MCPH1: variants seen among roughly 807,000 people sequenced by gnomAD.
The protein encoded by MCPH1 is microcephalin 1, also known as microcephalin.
Under a neutral mutation model 84.5 loss-of-function variants are expected in MCPH1, and 104 were observed. The observed-to-expected ratio is 1.23, with a 90% confidence interval of 1.05 to 1.45. The LOEUF (loss-of-function observed/expected upper bound fraction) is 1.45. MCPH1 is among the 40% of genes most tolerant of loss of function. MCPH1 has a pLI of 0.00. For missense variants in MCPH1, 1,498 were observed against 1,005.7 expected, an observed-to-expected ratio of 1.49 and a Z score of -6.62; for synonymous variants, 514 against 366.8, an observed-to-expected ratio of 1.40 and a Z score of -4.58.
In MCPH1 at chr8:6,505,306, T is replaced by A. The variant is rs545643400; in HGVS notation, c.2214+5377T>A. On this transcript the variant is annotated intron_variant, in intron 12 of 13. Transcript: ENST00000344683. ...TATATGTTATATACATATATATGTA[T>A]ATAACATATATATGTTATATACATA... 1.1e-4 allele frequency among the ~76,000 whole-genome samples: 6 copies of A among 55,130 alleles called. 2 individuals are homozygous for A. Among genetic ancestry groups the A allele is most frequent in the African/African-American group, 5.5e-4 (6 of 10,812 alleles). 36.2% of individuals were successfully genotyped at this position (55,130 alleles called of 152,430 possible).
intron 3 of MCPH1, among the ~76,000 whole-genome samples, chr8:6,428,167 G>T (rs73516753): frequency 0.029 from 4,467 of 151,436 alleles, 195 homozygotes; most frequent in East Asian, 0.16. Context: ...TTACTCTTTT[G>T]TAATGCCTTA....
chr8:6,447,376 A>T, intron 8 of MCPH1: 1 of 985,388 alleles, frequency 1.0e-6, no homozygotes, highest in Non-Finnish European at 1.2e-6. Flanking sequence ...CCAAATCTTT[A>T]ATGTCGAAAT....
chr8:6,533,607 T>C (rs1190539840), intron 12 of MCPH1, among the ~76,000 whole-genome samples: 1 of 147,186 alleles, frequency 6.8e-6, no homozygotes, highest in Non-Finnish European at 1.5e-5. Context: ...AATCTAATGA[T>C]GGGAACCATT....
At chr8:6,621,082 A>G (rs547701007) in intron 12 of MCPH1, 122 of 341,644 alleles carry the variant, frequency 3.6e-4, no homozygotes, top group Non-Finnish European at 5.1e-4. Context: ...AGTGCATTAG[A>G]ATCTTGCCGT....
chr8:6,524,869 CGAGCACCTTCAG>C (rs1336861735), intron 12 of MCPH1, among the ~76,000 whole-genome samples: 2 of 152,192 alleles, frequency 1.3e-5, no homozygotes, highest in Non-Finnish European at 2.9e-5. Flanking sequence ...TTTGGTGTCA[CGAGCACCTTCAG>C]GTGAAAGGAA....
chr8:6,565,948 G>T (rs1209319877), intron 12 of MCPH1, among the ~76,000 whole-genome samples: 1 of 152,224 alleles, frequency 6.6e-6, no homozygotes, highest in African/African-American at 2.4e-5. Context: ...GAACCAGAGA[G>T]TCAGGGGAAG....
At chr8:6,563,630 T>C (rs2515507) in intron 12 of MCPH1, among the ~76,000 whole-genome samples, 117,205 of 152,188 alleles carry the variant, frequency 0.77, 48,097 homozygotes, top group East Asian at 0.94. Context: ...AATAAAAATA[T>C]TACAAATAGG....
At chr8:6,471,662 G>C (rs1041779731) in intron 9 of MCPH1, among the ~76,000 whole-genome samples, 1 of 152,154 alleles carries the variant, frequency 6.6e-6, no homozygotes, top group South Asian at 2.1e-4. Flanking sequence ...CTTGATCTTG[G>C]GTTAGCAGTC....
At chr8:6,460,154 C>A (rs1325807891) in intron 9 of MCPH1, among the ~76,000 whole-genome samples, 1 of 151,926 alleles carries the variant, frequency 6.6e-6, no homozygotes, top group African/African-American at 2.4e-5. Flanking sequence ...CTCACGCCTC[C>A]ATTGCTGGGA....
intron 8 of MCPH1, among the ~76,000 whole-genome samples, chr8:6,453,059 G>A (rs1238256783): frequency 6.6e-6 from 1 of 152,180 alleles, no homozygotes; most frequent in African/African-American, 2.4e-5. Flanking sequence ...ATCACCTTGG[G>A]GAGTGAGAAG....
intron 9 of MCPH1, among the ~76,000 whole-genome samples, chr8:6,459,656 C>A (rs2129557274): frequency 6.6e-6 from 1 of 152,326 alleles, no homozygotes; most frequent in East Asian, 1.9e-4. Flanking sequence ...GAGAGCCAGC[C>A]TACATGCTAT....
chr8:6,513,800 A>G, intron 12 of MCPH1: 1 of 1,613,976 alleles, frequency 6.2e-7, no homozygotes. Context: ...GTTGCGAAAC[A>G]AACTCATTTC....
chr8:6,559,162 C>G (rs1825115693), intron 12 of MCPH1, among the ~76,000 whole-genome samples: 1 of 151,664 alleles, frequency 6.6e-6, no homozygotes. Flanking sequence ...CTCTAATGAA[C>G]CAAGCCCTGG....
At chr8:6,516,239 A>G (rs1433396505) in intron 12 of MCPH1, among the ~76,000 whole-genome samples, 1 of 152,208 alleles carries the variant, frequency 6.6e-6, no homozygotes, top group East Asian at 1.9e-4. Context: ...GATTTTTATT[A>G]TCATTGCTAC....
At chr8:6,407,345 C>G (rs1797884234) in intron 1 of MCPH1, among the ~76,000 whole-genome samples, 1 of 152,074 alleles carries the variant, frequency 6.6e-6, no homozygotes, top group East Asian at 1.9e-4. Flanking sequence ...TCTATCAACT[C>G]TCTTATATCA....
intron 12 of MCPH1, among the ~76,000 whole-genome samples, chr8:6,595,864 T>C (rs1828888882): frequency 6.6e-6 from 1 of 152,132 alleles, no homozygotes. Context: ...CCTTTACAGA[T>C]GACGAAGCAT....
chr8:6,535,343 G>C (rs775635657), intron 12 of MCPH1, among the ~76,000 whole-genome samples: 4 of 152,056 alleles, frequency 2.6e-5, no homozygotes, highest in Non-Finnish European at 4.4e-5. Flanking sequence ...ATTAAACTTA[G>C]GAACTTTGAA....
At chr8:6,521,263 C>G (rs55633437) in intron 12 of MCPH1, 12 of 1,613,804 alleles carry the variant, frequency 7.4e-6, no homozygotes, top group East Asian at 2.2e-5. Flanking sequence ...AATTATTCAC[C>G]GTGGCAGTCA....
Position 6,523,508 on chromosome 8 carries a change from C to G in MCPH1, c.2214+23579C>G, listed in dbSNP as rs1211526663. ...GGAAACAAATCCAAGAGAGTAGAGA[C>G]TATGTATTTGAGAATGTTAACTGTT... On this transcript the variant is annotated intron_variant, in intron 12 of 13. Transcript: ENST00000344683. 3.3e-5 allele frequency among the ~76,000 whole-genome samples: 5 copies of G among 152,200 alleles called. No individual in the cohort carries two copies. In the South Asian group the frequency reaches 1.0e-3, roughly 32 times the overall value.
Sources: allele counts gnomAD v4.1 joint callset (sites outside exome capture counted in the v4.1 genomes callset), GRCh38; gene constraint gnomAD v4.1.1; transcripts MANE v1.5; gene names NCBI Gene and HGNC (gene_info 2026-07-23, HGNC 2026-07-21).